NOL4: variants seen among roughly 807,000 people sequenced by gnomAD.
NOL4 encodes cancer/testis antigen 125.
A neutral mutation model predicts 75.9 loss-of-function variants in NOL4; 17 were observed. The observed-to-expected ratio is 0.22, with a 90% CI of 0.15 to 0.34. NOL4 has a LOEUF of 0.34. Ranked by LOEUF, NOL4 falls within the 10% of genes least tolerant of loss-of-function variation. The pLI, the probability that NOL4 is intolerant of heterozygous loss-of-function variation, is 1.00. For synonymous variants in NOL4, 292 were observed against 289.9 expected (o/e 1.01, Z -0.07); for missense variants, 614 against 793.5 (o/e 0.77, Z 2.72).
intron 5 of NOL4, among the ~76,000 whole-genome samples, chr18:34,049,610 C>T (rs2076542514): frequency 6.6e-6 from 1 of 152,074 alleles, no homozygotes; most frequent in African/African-American, 2.4e-5. Flanking sequence ...TTCAGGTTCT[C>T]ACCCAGGGAG....
chr18:33,953,555 T>C (rs912266783), intron 8 of NOL4, among the ~76,000 whole-genome samples: 12 of 152,098 alleles, frequency 7.9e-5, no homozygotes, highest in African/African-American at 2.4e-4. Context: ...AGTGGTAGGA[T>C]ACAAGACACA....
chr18:34,022,102 C>T (rs1223388661), intron 5 of NOL4, among the ~76,000 whole-genome samples: 1 of 142,714 alleles, frequency 7.0e-6, no homozygotes, highest in Non-Finnish European at 1.5e-5. Flanking sequence ...GAAACTGCAT[C>T]TCAAAAAAAA....
At chr18:34,209,901 C>T (rs572693150) in intron 1 of NOL4, among the ~76,000 whole-genome samples, 9 of 152,012 alleles carry the variant, frequency 5.9e-5, no homozygotes, top group Non-Finnish European at 1.0e-4. Flanking sequence ...TAGGGATAAC[C>T]CTTCAGGAAA....
At position 34,003,755 on chromosome 18, in the gene NOL4, C is replaced by A. The variant is rs1040587185; in HGVS notation, c.1056+15563G>T. 2.0e-5 allele frequency among the ~76,000 whole-genome samples: 3 copies of A among 152,034 alleles called. 1 individual carries two copies. The highest frequency in any genetic ancestry group is 7.2e-5 in the African/African-American group (3 of 41,424). On this transcript the variant is annotated intron_variant, in intron 6 of 10. Coordinates refer to ENST00000261592, the MANE Select transcript of NOL4 (RefSeq NM_003787.5). ...GTTTGGTTATCATTTGCTTCACTTACTGCCTTGTAAACTAAAAATAAAATT... is the reference window on the plus strand; with the variant it reads ...GTTTGGTTATCATTTGCTTCACTTAATGCCTTGTAAACTAAAAATAAAATT...
Position 33,958,340 on chromosome 18 carries a change from T to G in NOL4, c.1135A>C (p.Asn379His). The change falls in exon 7 of 11, where the codon AAC becomes CAC. Residue 379 changes from asparagine to histidine, a missense_variant. Physicochemically the swap from Asn to His is moderately conservative, Grantham distance 68 (BLOSUM62 1). This residue lies in a region of NOL4 where 196 missense variants were observed against 167.9 expected (regional missense o/e 1.17). Coordinates refer to ENST00000261592, the MANE Select transcript of NOL4 (RefSeq NM_003787.5). ...TCATCTTCGTCCTCATCTCCCCTGT[T>G]TAGTGAGAGGTCCTCAGCTCCTCGG... The part of the protein sequence containing the change: ...VDRGAEDLSL[N>H]RGDEDEDDHE... The G allele has an allele frequency of 6.2e-7, 1 of 1,613,782 alleles. No homozygotes were observed. The highest frequency in any genetic ancestry group is 8.5e-7 in the Non-Finnish European group (1 of 1,179,754).
intron 1 of NOL4, among the ~76,000 whole-genome samples, chr18:34,139,948 T>C (rs2081070528): frequency 6.6e-6 from 1 of 152,216 alleles, no homozygotes; most frequent in Non-Finnish European, 1.5e-5. Context: ...CCAGTAGTCA[T>C]TCAGGAGCAG....
At chr18:33,920,655 A>C (rs184555128) in intron 9 of NOL4, among the ~76,000 whole-genome samples, 182 of 152,326 alleles carry the variant, frequency 1.2e-3, no homozygotes, top group Non-Finnish European at 2.2e-3. Context: ...GGGTCCAATC[A>C]ACCATTTTAG....
intron 8 of NOL4, among the ~76,000 whole-genome samples, chr18:33,954,711 G>T (rs1227239517): frequency 6.6e-6 from 1 of 152,016 alleles, no homozygotes; most frequent in African/African-American, 2.4e-5. Context: ...CTTTTCCTCT[G>T]TAAAGTCACC....
chr18:34,101,219 T>C (rs1389345309), intron 4 of NOL4, among the ~76,000 whole-genome samples: 1 of 152,206 alleles, frequency 6.6e-6, no homozygotes, highest in African/African-American at 2.4e-5. Context: ...GGCATTAGCT[T>C]CTTCTAGAAA....
At chr18:34,052,127 T>C (rs560036041) in intron 5 of NOL4, among the ~76,000 whole-genome samples, 28 of 152,180 alleles carry the variant, frequency 1.8e-4, no homozygotes, top group African/African-American at 6.5e-4. Context: ...ATTTAATATC[T>C]AATAAAACAA....
chr18:34,102,779 A>G (rs910727619), intron 4 of NOL4, among the ~76,000 whole-genome samples: 4 of 151,920 alleles, frequency 2.6e-5, no homozygotes, highest in African/African-American at 9.7e-5. Context: ...TTTTTCAACT[A>G]TATAATGAAT....
At chr18:33,864,073 C>T (rs1342517290) in intron 10 of NOL4, among the ~76,000 whole-genome samples, 2 of 152,140 alleles carry the variant, frequency 1.3e-5, no homozygotes, top group Non-Finnish European at 2.9e-5. Flanking sequence ...GGATGCAGGG[C>T]ACCAAGTCCC....
intron 2 of NOL4, among the ~76,000 whole-genome samples, chr18:34,112,783 G>A (rs1310523105): frequency 6.6e-6 from 1 of 152,104 alleles, no homozygotes; most frequent in Non-Finnish European, 1.5e-5. Flanking sequence ...GAGATCAAAT[G>A]TATAGCATAG....
At chr18:33,999,132 G>T (rs1290844571) in intron 6 of NOL4, among the ~76,000 whole-genome samples, 1 of 150,314 alleles carries the variant, frequency 6.7e-6, no homozygotes, top group African/African-American at 2.4e-5. Context: ...TTTTGATACA[G>T]ATAATGCTGA....
intron 5 of NOL4, among the ~76,000 whole-genome samples, chr18:34,041,236 C>G (rs2076125868): frequency 6.6e-6 from 1 of 151,758 alleles, no homozygotes; most frequent in East Asian, 1.9e-4. Flanking sequence ...TTGAGGTCAA[C>G]AAGAAGCAAG....
chr18:33,992,668 C>T (rs922767609), intron 6 of NOL4, among the ~76,000 whole-genome samples: 1 of 151,964 alleles, frequency 6.6e-6, no homozygotes, highest in Non-Finnish European at 1.5e-5. Flanking sequence ...AAGATCTCAG[C>T]ATTTCTCATC....
chr18:34,213,684 TC>T (rs1450062087), intron 1 of NOL4, among the ~76,000 whole-genome samples: 1 of 152,176 alleles, frequency 6.6e-6, no homozygotes, highest in Non-Finnish European at 1.5e-5. Flanking sequence ...ACAAAAGGGC[TC>T]CCTTCTATTT....
intron 1 of NOL4, among the ~76,000 whole-genome samples, chr18:34,135,905 T>C (rs2080872169): frequency 6.6e-6 from 1 of 151,924 alleles, no homozygotes; most frequent in Non-Finnish European, 1.5e-5. Context: ...TACAAAACAA[T>C]ATATTTTATG....
intron 5 of NOL4, among the ~76,000 whole-genome samples, chr18:34,043,889 A>T (rs35815170): frequency 0.19 from 29,433 of 151,924 alleles, 3,613 homozygotes; most frequent in East Asian, 0.51. Context: ...ATTCAAGATT[A>T]GGGACTTCTG....
Sources: allele counts gnomAD v4.1 joint callset (sites outside exome capture counted in the v4.1 genomes callset), GRCh38; gene constraint gnomAD v4.1.1; regional missense constraint gnomAD v4.1.1; transcripts MANE v1.5; gene names NCBI Gene and HGNC (gene_info 2026-07-23, HGNC 2026-07-21).